The following ATG16L2 variants were observed in gnomAD, a reference collection of about 807,000 sequenced individuals.
ATG16L2 encodes autophagy related 16 like 2.
In ATG16L2, 77 loss-of-function variants were observed where a neutral mutation model predicts 84.7. The observed-to-expected ratio is 0.91, with a 90% CI of 0.76 to 1.10. The LOEUF (loss-of-function observed/expected upper bound fraction) is 1.10. ATG16L2 is among the 50% of genes least tolerant of loss of function. The pLI, the probability that ATG16L2 is intolerant of heterozygous loss-of-function variation, is 0.00. For synonymous variants in ATG16L2, 361 were observed against 342.8 expected, an observed-to-expected ratio of 1.05 and a Z score of -0.59; for missense variants, 782 against 817.6, an observed-to-expected ratio of 0.96 and a Z score of 0.53.
Position 72,829,611 on chromosome 11 carries a change from A to G in ATG16L2, c.*221A>G, listed in dbSNP as rs778057497. 3.7e-6 allele frequency: 5 copies of G among 1,349,716 alleles called. No individual in the cohort carries two copies. The highest frequency in any genetic ancestry group is 4.8e-6 in the Non-Finnish European group (5 of 1,050,138). The allele number at this position is 1,349,716 out of a possible 1,614,324, so 83.6% of individuals were successfully genotyped here. A position where few individuals can be genotyped will look rare whatever the true frequency, so the allele number is the denominator to read the frequency against. On this transcript the variant is annotated 3_prime_UTR_variant, in exon 18 of 18. Coordinates refer to ENST00000321297, the MANE Select transcript of ATG16L2 (RefSeq NM_033388.2). ...TCTCTATCTCCTCACTTTTTCTCCC[A>G]AAGTAGAAAAAAATGATATCTGAAC...
Position 72,814,464 on chromosome 11 carries a change from C to G in ATG16L2, c.19C>G (p.Pro7Ala). The G allele has an allele frequency of 4.6e-6, 7 of 1,511,464 alleles. No homozygotes were observed. Among genetic ancestry groups the G allele is most frequent in the Non-Finnish European group, 4.4e-6 (5 of 1,125,450 alleles). The allele number at this position is 1,511,464 out of a possible 1,614,324, so 93.6% of individuals were successfully genotyped here. A position where few individuals can be genotyped will look rare whatever the true frequency, so the allele number is the denominator to read the frequency against. The change falls in exon 1 of 18, where the codon CCC becomes GCC. Residue 7 changes from proline (P) to alanine (A), a missense_variant. Coordinates refer to ENST00000321297, the MANE Select transcript of ATG16L2 (RefSeq NM_033388.2). MAGPGV[P>A]GAPAARWKRH... ...CGCGGCCATGGCGGGGCCGGGCGTCCCCGGTGCCCCCGCAGCGCGCTGGAA... is the reference window on the plus strand; with the variant it reads ...CGCGGCCATGGCGGGGCCGGGCGTCGCCGGTGCCCCCGCAGCGCGCTGGAA...
chr11:72,829,942 G>T (rs967791166), downstream of ATG16L2, among the ~76,000 whole-genome samples: 4 of 152,186 alleles, frequency 2.6e-5, no homozygotes, highest in African/African-American at 7.2e-5. Context: ...GGCTGGGGGA[G>T]CTCTGAGGAG....
chr11:72,821,961 T>C (rs1860019521), intron 4 of ATG16L2, 83 bp from the exon 5 acceptor site: 2 of 1,437,180 alleles, frequency 1.4e-6, no homozygotes, highest in African/African-American at 1.5e-5. Flanking sequence ...CATGGGCAGG[T>C]CTGTCTCTGC....
At chr11:72,823,457 G>C (rs546603017) in intron 7 of ATG16L2, 1 of 354,784 alleles carries the variant, frequency 2.8e-6, no homozygotes. Flanking sequence ...GTGCCTGTCC[G>C]CAGGGTCTCC....
chr11:72,822,650 G>A lies in ATG16L2; in HGVS notation c.710+107G>A. 1 of 1,449,642 alleles carries A rather than the reference G, an allele frequency of 6.9e-7. No individual in the cohort carries two copies. Among genetic ancestry groups the A allele is most frequent in the Non-Finnish European group, 9.3e-7 (1 of 1,069,824 alleles). The allele number at this position is 1,449,642 out of a possible 1,614,324, so 89.8% of individuals were successfully genotyped here. ...TACTTGTGCACAGCCCCGTCCTGAG[G>A]CCCCCATGTGGTCGGAGCCCACGAG... On this transcript the variant is annotated intron_variant, in intron 6 of 17. Transcript: ENST00000321297. This position sits in a 1 kb window ranked among gnomAD's most constrained non-coding sequence, Gnocchi z 4.2.
At chr11:72,830,264 A>G (rs1860577226), downstream of ATG16L2, among the ~76,000 whole-genome samples, 1 of 151,958 alleles carries the variant, frequency 6.6e-6, no homozygotes, top group Non-Finnish European at 1.5e-5. Context: ...TTAAATGGCA[A>G]CACCTACACT....
Position 72,828,413 on chromosome 11 carries a change from C to A in ATG16L2, c.1527C>A (p.Ser509Arg). 6.2e-7 allele frequency: 1 copy of A among 1,614,222 alleles called. No homozygotes were observed. Among genetic ancestry groups the A allele is most frequent in the South Asian group, 1.1e-5 (1 of 91,092 alleles). The stretch of plus-strand genomic sequence containing the variant: ...TGCAGGGCCGGGTCACCTCCCTGAG[C>A]CTCAGCCACGACCAACTGCACCTGC... ...IPVQGRVTSL[S>R]LSHDQLHLLS... is the part of the protein sequence containing the mutation. Residue 509 changes from serine to arginine, a missense_variant, in exon 15 of 18, where the codon AGC (serine) becomes AGA (arginine). By Grantham distance (110) the Ser-to-Arg change is moderately radical. Coordinates refer to ENST00000321297, the MANE Select transcript of ATG16L2 (RefSeq NM_033388.2).
chr11:72,827,492 T>C (rs1860432421), intron 14 of ATG16L2, among the ~76,000 whole-genome samples, 199 bp downstream of exon 14: 2 of 152,198 alleles, frequency 1.3e-5, no homozygotes, highest in Non-Finnish European at 2.9e-5. Flanking sequence ...TTCATGGCTC[T>C]TGGTCCAATG....
At position 72,822,987 on chromosome 11, in the gene ATG16L2, A is replaced by G. The variant is rs542716664; in HGVS notation, c.824+26A>G. The G allele has an allele frequency of 2.0e-6, 3 of 1,501,704 alleles. No homozygotes were observed. Among genetic ancestry groups the G allele is most frequent in the East Asian group, 2.4e-5 (1 of 41,024 alleles). The allele number at this position is 1,501,704 out of a possible 1,614,324, so 93.0% of individuals were successfully genotyped here. The stretch of plus-strand genomic sequence containing the variant: ...GTGAGGACCCAGGTGACAGTCTCAG[A>G]GCTCTGAGCTGAGCCCCACCCCAGA... On this transcript the variant is annotated intron_variant, in intron 7 of 17. Transcript: ENST00000321297. The surrounding 1 kb of genome is among the most constrained non-coding windows in gnomAD (Gnocchi z 4.2).
intron 7 of ATG16L2, chr11:72,823,212 G>A (rs538890214): frequency 2.3e-6 from 1 of 435,058 alleles, no homozygotes; most frequent in Non-Finnish European, 4.2e-6. Flanking sequence ...CTCTGGGGGT[G>A]GGGAGTCAGG....
intron 3 of ATG16L2, chr11:72,818,843 C>T (rs1859825340): frequency 6.6e-6 from 1 of 152,178 alleles, no homozygotes; most frequent in African/African-American, 2.4e-5. Context: ...CTGTGATAGC[C>T]CAGGAAATAC....
chr11:72,822,381 G>A lies in ATG16L2; in HGVS notation c.644+86G>A, dbSNP rs144019051. 16 of 1,584,048 alleles carry A rather than the reference G, an allele frequency of 1.0e-5. No homozygotes were observed. The highest frequency in any genetic ancestry group is 1.3e-5 in the Non-Finnish European group (15 of 1,165,848). The stretch of plus-strand genomic sequence containing the variant: ...GCCTCGCCGGTGTCTGGAAGGGAGG[G>A]GGGCAGCAGCCGCCCCCTGGAGGAA... On this transcript the variant is annotated intron_variant, in intron 5 of 17. Coordinates refer to ENST00000321297, the MANE Select transcript of ATG16L2 (RefSeq NM_033388.2). This position sits in a 1 kb window ranked among gnomAD's most constrained non-coding sequence, Gnocchi z 4.2.
In ATG16L2 at chr11:72,822,998, G is replaced by A; in HGVS notation, c.824+37G>A. The A allele has an allele frequency of 2.8e-6, 4 of 1,450,590 alleles. No individual in the cohort carries two copies. Among genetic ancestry groups the A allele is most frequent in the South Asian group, 1.2e-5 (1 of 80,650 alleles). The allele number at this position is 1,450,590 out of a possible 1,614,324, so 89.9% of individuals were successfully genotyped here. A position where few individuals can be genotyped will look rare whatever the true frequency, so the allele number is the denominator to read the frequency against. On this transcript the variant is annotated intron_variant, in intron 7 of 17. Transcript: ENST00000321297. This position sits in a 1 kb window ranked among gnomAD's most constrained non-coding sequence, Gnocchi z 4.2. ...GGTGACAGTCTCAGAGCTCTGAGCT[G>A]AGCCCCACCCCAGAGGCTGCCAGGG... is the stretch of plus-strand genomic sequence containing the variant.
chr11:72,820,594 C>T (rs1859932664), intron 3 of ATG16L2, among the ~76,000 whole-genome samples: 2 of 152,200 alleles, frequency 1.3e-5, no homozygotes, highest in African/African-American at 4.8e-5. Flanking sequence ...GTGCCCCAAC[C>T]CGCATGTGCA....
chr11:72,824,766 G>T lies in ATG16L2; in HGVS notation c.920G>T (p.Gly307Val). ...FKKRRGHSIG[G>V]APEQRYQIIP... ...AAGAGGAGAGGTCACTCAATTGGGG[G>T]AGCCCCTGAGCAGCGATACCAGATC... is the stretch of plus-strand genomic sequence containing the variant. Residue 307 changes from glycine to valine, a missense_variant, in exon 9 of 18, where the codon GGA becomes GTA. Physicochemically the swap from Gly to Val is moderately radical, Grantham distance 109 (BLOSUM62 -3). Transcript: ENST00000321297. 1 of 1,613,650 alleles carries T rather than the reference G, an allele frequency of 6.2e-7. No homozygotes were observed. The highest frequency in any genetic ancestry group is 1.1e-5 in the South Asian group (1 of 91,046).
chr11:72,843,636 G>T, exon 6 of ATG16L2: 1 of 756,178 alleles, frequency 1.3e-6, no homozygotes, highest in Non-Finnish European at 2.3e-6. Context: ...AAATGATTTT[G>T]AGAAACATGT....
chr11:72,828,428 A>G lies in ATG16L2; in HGVS notation c.1542A>G (p.Gln514=), dbSNP rs763068827. ...CCTCCCTGAGCCTCAGCCACGACCA[A>G]CTGCACCTGCTCAGCTGTTCCCGAG... ...RVTSLSLSHD[Q]LHLLSCSRDN... is the part of the protein sequence containing the mutation. The change falls in exon 15 of 18, where the codon CAA becomes CAG. Residue 514 remains glutamine (Q), a synonymous_variant. Transcript: ENST00000321297. 1.2e-6 allele frequency: 2 copies of G among 1,613,502 alleles called. No homozygotes were observed. Among genetic ancestry groups the G allele is most frequent in the Non-Finnish European group, 1.7e-6 (2 of 1,179,826 alleles).
intron 3 of ATG16L2, chr11:72,818,726 T>C (rs1241206534): frequency 6.6e-6 from 1 of 152,216 alleles, no homozygotes; most frequent in South Asian, 2.1e-4. Context: ...TTCTGTGCTC[T>C]CCATTCATTC....
At chr11:72,823,426 G>A (rs1461818836) in intron 7 of ATG16L2, 1 of 330,006 alleles carries the variant, frequency 3.0e-6, no homozygotes, top group African/African-American at 2.2e-5. Flanking sequence ...TGTGGGACCT[G>A]ATTGGGGCTT....
Sources: gnomAD v4.1 joint callset for allele counts (sites outside exome capture counted in the v4.1 genomes callset) on GRCh38, gnomAD v4.1.1 for gene constraint, Gnocchi (gnomAD v3.1) non-coding constraint, MANE v1.5 for transcripts, NCBI Gene and HGNC (gene_info 2026-07-23, HGNC 2026-07-21) for gene names.